EXD3: variants seen among roughly 807,000 people sequenced by gnomAD.
EXD3 encodes the protein exonuclease 3'-5' domain containing 3, also known as exonuclease mut-7 homolog.
EXD3 carries 92 observed loss-of-function variants against 98.0 expected under a neutral mutation model. The observed-to-expected ratio is 0.94, with a 90% CI of 0.79 to 1.12. The LOEUF (loss-of-function observed/expected upper bound fraction) is 1.12. Ranked by LOEUF, EXD3 falls within the 50% of genes most tolerant of loss-of-function variation. The pLI, the probability that EXD3 is intolerant of heterozygous loss-of-function variation, is 0.00. For missense variants in EXD3, 1,222 were observed against 1,191.6 expected (o/e 1.03, Z -0.38); for synonymous variants, 569 against 526.0 (o/e 1.08, Z -1.12).
intron 1 of EXD3, among the ~76,000 whole-genome samples, chr9:137,420,192 A>G (rs975971837): frequency 3.3e-5 from 5 of 152,082 alleles, no homozygotes; most frequent in Non-Finnish European, 7.4e-5. Context: ...AGCAAATTAC[A>G]TAGAACTGAA....
At chr9:137,330,414 A>ACTACACAGGAG (rs1324609553) in intron 17 of EXD3, among the ~76,000 whole-genome samples, 1 of 124,340 alleles carries the variant, frequency 8.0e-6, no homozygotes, top group Non-Finnish European at 1.7e-5. Flanking sequence ...GCTCCACAGG[A>ACTACACAGGAG]CTACACAGGA....
intron 2 of EXD3, among the ~76,000 whole-genome samples, chr9:137,384,715 A>G (rs1215474859): frequency 2.6e-5 from 4 of 152,256 alleles, no homozygotes; most frequent in Non-Finnish European, 5.9e-5. Flanking sequence ...CAAAATGAGA[A>G]AATCAGCAAT....
chr9:137,346,427 C>G lies in EXD3; in HGVS notation c.1998+1644G>C, dbSNP rs183495351. On this transcript the variant is annotated intron_variant, in intron 17 of 21. Coordinates refer to ENST00000340951, the MANE Select transcript of EXD3 (RefSeq NM_017820.5). ...CCAACTAACCCCACTTCTTACACCC[C>G]TGAAGGAGAAAACTGGTCCATTTGG... Among the ~76,000 whole-genome samples the G allele has an allele frequency of 9.3e-4, 141 of 151,304 alleles. 4 individuals carry two copies. Among genetic ancestry groups the G allele is most frequent in the Admixed American group, 8.3e-3 (120 of 14,502 alleles).
Position 137,360,750 on chromosome 9 carries a change from C to T in EXD3, c.657-4382G>A, listed in dbSNP as rs190236609. Among the ~76,000 whole-genome samples, 9 of 85,554 alleles carry T rather than the reference C, an allele frequency of 1.1e-4. 3 individuals carry two copies. The highest frequency in any genetic ancestry group is 1.6e-4 in the African/African-American group (5 of 30,944). The allele number at this position is 85,554 out of a possible 152,430, so 56.1% of individuals were successfully genotyped here. ...TGCTGGGAATACAGGTGTGAGCCAC[C>T]GCACCCAGCCTTTATTCTTAGTGAT... On this transcript the variant is annotated intron_variant, in intron 7 of 21. Coordinates refer to ENST00000340951, the MANE Select transcript of EXD3 (RefSeq NM_017820.5).
In EXD3 at chr9:137,309,593, C is replaced by A; in HGVS notation, c.2278+14G>T. 3.2e-6 allele frequency: 5 copies of A among 1,552,250 alleles called. No individual in the cohort carries two copies. Among genetic ancestry groups the A allele is most frequent in the South Asian group, 1.2e-5 (1 of 84,224 alleles). On this transcript the variant is annotated intron_variant, in intron 20 of 21. Coordinates refer to ENST00000340951, the MANE Select transcript of EXD3 (RefSeq NM_017820.5). ...AGGCCCCCCAGACCCAGTGCCTGAC[C>A]CTGACACACTCACCTGAGCTCCTGG...
intron 8 of EXD3, among the ~76,000 whole-genome samples, chr9:137,355,785 C>A (rs533807158): frequency 5.9e-5 from 9 of 151,794 alleles, no homozygotes; most frequent in Admixed American, 3.9e-4. Context: ...GGCCAGGTGC[C>A]AGCCTGTACC....
At chr9:137,356,485 G>A in intron 7 of EXD3, 117 bp from the exon 8 acceptor site, 2 of 709,482 alleles carry the variant, frequency 2.8e-6, no homozygotes, top group South Asian at 3.5e-5. Context: ...AGGTTTATAA[G>A]AAAATGCAGG....
chr9:137,406,277 A>T (rs1837708671), intron 1 of EXD3, among the ~76,000 whole-genome samples: 1 of 151,656 alleles, frequency 6.6e-6, no homozygotes, highest in Non-Finnish European at 1.5e-5. Flanking sequence ...AGAAAATAAA[A>T]GGCAAGGAAA....
At position 137,385,434 on chromosome 9, in the gene EXD3, G is replaced by C. The variant is rs1384995664; in HGVS notation, c.56-2057C>G. Reference sequence around the variant, plus strand: ...GGTGGGCTGGGCGGGGCGTGCTGTGGTGTGTTCACGATCATGTGCCGAGCC... The same window carrying C: ...GGTGGGCTGGGCGGGGCGTGCTGTGCTGTGTTCACGATCATGTGCCGAGCC... On this transcript the variant is annotated intron_variant, in intron 2 of 21. Coordinates refer to ENST00000340951, the MANE Select transcript of EXD3 (RefSeq NM_017820.5). This position sits in a 1 kb window ranked among gnomAD's most constrained non-coding sequence, Gnocchi z 4.4. Among the ~76,000 whole-genome samples, 5 of 152,228 alleles carry C rather than the reference G, an allele frequency of 3.3e-5. No homozygotes were observed. Among genetic ancestry groups the C allele is most frequent in the Non-Finnish European group, 7.3e-5 (5 of 68,052 alleles).
rs958493592 is a variant in EXD3 at position 137,328,644 on chromosome 9, A to G, written c.1999-4501T>C. ...GGACTACACGGGACTACACGGGGCTACACGGGACTACACGGGACTACACGG... is the reference window on the plus strand; with the variant it reads ...GGACTACACGGGACTACACGGGGCTGCACGGGACTACACGGGACTACACGG... On this transcript the variant is annotated intron_variant, in intron 17 of 21. Transcript: ENST00000340951. 4.9e-3 allele frequency among the ~76,000 whole-genome samples: 384 copies of G among 79,004 alleles called. 46 individuals carry two copies. The highest frequency in any genetic ancestry group is 0.023 in the African/African-American group (317 of 13,792). The allele number at this position is 79,004 out of a possible 152,430, so 51.8% of individuals were successfully genotyped here. A position where few individuals can be genotyped will look rare whatever the true frequency, so the allele number is the denominator to read the frequency against.
At chr9:137,374,149 C>T (rs1426099848) in intron 3 of EXD3, among the ~76,000 whole-genome samples, 7 of 152,268 alleles carry the variant, frequency 4.6e-5, no homozygotes, top group African/African-American at 7.2e-5. Flanking sequence ...GCAGCCTCAG[C>T]GGCGCCGTCC....
chr9:137,347,004 C>A lies in EXD3; in HGVS notation c.1998+1067G>T, dbSNP rs540131821. Among the ~76,000 whole-genome samples the A allele has an allele frequency of 2.0e-5, 3 of 152,126 alleles. No homozygotes were observed. Among genetic ancestry groups the A allele is most frequent in the Non-Finnish European group, 2.9e-5 (2 of 68,030 alleles). ...CTAATTTTTGTATTTTTAGGAGAGA[C>A]AGGGTTTCACCATCTTGGCCAGGCT... On this transcript the variant is annotated intron_variant, in intron 17 of 21. Coordinates refer to ENST00000340951, the MANE Select transcript of EXD3 (RefSeq NM_017820.5). This position sits in a 1 kb window ranked among gnomAD's most constrained non-coding sequence, Gnocchi z 4.2.
At chr9:137,363,980 C>A (rs1835107152) in intron 7 of EXD3, among the ~76,000 whole-genome samples, 1 of 152,024 alleles carries the variant, frequency 6.6e-6, no homozygotes, top group Admixed American at 6.6e-5. Flanking sequence ...CTTAGCATCC[C>A]TTGATGATCT....
At chr9:137,387,281 T>A (rs1034372117) in intron 2 of EXD3, among the ~76,000 whole-genome samples, 2 of 152,100 alleles carry the variant, frequency 1.3e-5, no homozygotes, top group African/African-American at 4.8e-5. Context: ...CGGTGCACGA[T>A]GGACACTCCA....
intron 8 of EXD3, among the ~76,000 whole-genome samples, chr9:137,355,734 ACC>A (rs1834741466): frequency 8.0e-6 from 1 of 124,808 alleles, no homozygotes; most frequent in African/African-American, 3.0e-5. Flanking sequence ...AGGAAGGAGG[ACC>A]TAGAAACACT....
chr9:137,400,742 G>A (rs951338639), intron 1 of EXD3, among the ~76,000 whole-genome samples: 10 of 151,192 alleles, frequency 6.6e-5, no homozygotes, highest in Non-Finnish European at 1.5e-4. Context: ...TCCAGCCTGG[G>A]CAACAGAGCG....
chr9:137,397,656 A>G (rs1837279345), intron 1 of EXD3, among the ~76,000 whole-genome samples: 1 of 152,258 alleles, frequency 6.6e-6, no homozygotes, highest in African/African-American at 2.4e-5. Flanking sequence ...CTGCGTTCAC[A>G]GAATGAACAG....
intron 17 of EXD3, among the ~76,000 whole-genome samples, chr9:137,344,829 A>G (rs1351947875): frequency 2.6e-5 from 4 of 151,050 alleles, no homozygotes; most frequent in Non-Finnish European, 1.5e-5. Flanking sequence ...CTCACATTTC[A>G]CCATAAGCAG....
At chr9:137,327,326 G>A (rs955012075) in intron 17 of EXD3, among the ~76,000 whole-genome samples, 1 of 152,052 alleles carries the variant, frequency 6.6e-6, no homozygotes, top group Non-Finnish European at 1.5e-5. Flanking sequence ...ATAGAGACAG[G>A]GTTTCACTAT....
Sources: allele counts gnomAD v4.1 joint callset (sites outside exome capture counted in the v4.1 genomes callset), GRCh38; gene constraint gnomAD v4.1.1; non-coding constraint Gnocchi (gnomAD v3.1); transcripts MANE v1.5; gene names NCBI Gene and HGNC (gene_info 2026-07-23, HGNC 2026-07-21).